Variants in DEPDC5 observed in about 807,000 individuals in gnomAD.
DEPDC5 encodes DEP domain containing 5, GATOR1 subcomplex subunit.
Under a neutral mutation model 217.3 loss-of-function variants are expected in DEPDC5, and 73 were observed. The observed-to-expected ratio is 0.34, with a 90% CI of 0.28 to 0.41. The LOEUF (loss-of-function observed/expected upper bound fraction) is 0.41. Ranked by LOEUF, DEPDC5 falls within the 10% of genes least tolerant of loss-of-function variation. DEPDC5 has a pLI of 1.00. For missense variants in DEPDC5, 1,675 were observed against 2,070.1 expected, an observed-to-expected ratio of 0.81 and a Z score of 3.70; for synonymous variants, 733 against 756.7, an observed-to-expected ratio of 0.97 and a Z score of 0.51.
chr22:31,759,832 G>A (rs1601592476), intron 3 of DEPDC5, among the ~76,000 whole-genome samples: 1 of 151,010 alleles, frequency 6.6e-6, no homozygotes, highest in Non-Finnish European at 1.5e-5. Flanking sequence ...ACAGGTGTGG[G>A]CCACCACACC....
intron 32 of DEPDC5, chr22:31,857,793 T>C: frequency 2.7e-6 from 1 of 377,164 alleles, no homozygotes; most frequent in Non-Finnish European, 4.8e-6. Flanking sequence ...GTCATGCTTG[T>C]AATCCCAGCA....
chr22:31,773,229 C>T (rs2083507191), intron 7 of DEPDC5, among the ~76,000 whole-genome samples: 2 of 152,082 alleles, frequency 1.3e-5, no homozygotes, highest in Admixed American at 6.6e-5. Flanking sequence ...CCTCTATCGC[C>T]CAGGCTGGAA....
chr22:31,842,591 A>AG (rs1345468087), intron 27 of DEPDC5, among the ~76,000 whole-genome samples: 1 of 151,920 alleles, frequency 6.6e-6, no homozygotes, highest in East Asian at 1.9e-4. Context: ...AAAAAAAAAA[A>AG]AAAGAAACAA....
intron 12 of DEPDC5, among the ~76,000 whole-genome samples, chr22:31,793,923 C>T (rs956401844): frequency 2.0e-5 from 3 of 152,054 alleles, no homozygotes; most frequent in East Asian, 3.8e-4. Flanking sequence ...ACTGTTTTTA[C>T]GGGACTTAGC....
intron 38 of DEPDC5, among the ~76,000 whole-genome samples, chr22:31,888,983 TC>T (rs1216602515): frequency 1.3e-5 from 2 of 152,174 alleles, no homozygotes; most frequent in Non-Finnish European, 2.9e-5. Context: ...AAAAACCCCC[TC>T]AACATGGCAC....
intron 29 of DEPDC5, among the ~76,000 whole-genome samples, chr22:31,844,462 A>T (rs2091595558): frequency 6.6e-6 from 1 of 152,060 alleles, no homozygotes; most frequent in South Asian, 2.1e-4. Context: ...GAAAAAACAA[A>T]CCCCATGAAG....
chr22:31,838,729 A>C lies in DEPDC5; in HGVS notation c.2399A>C (p.Glu800Ala). Residue 800 changes from glutamate to alanine, a missense_variant, in exon 27 of 43, where the codon GAA becomes GCA. By Grantham distance (107) the Glu-to-Ala change is moderately radical. Around this residue, in one of 11 missense-constraint regions of DEPDC5, gnomAD observed 293 missense variants for 386.1 expected, o/e 0.76. Transcript: ENST00000651528. ...CAGATGACAGCCCAGCAGGTATTTG[A>C]AGAGTTTATTTGCCAACGTCTCATG... is the stretch of plus-strand genomic sequence containing the variant. ...GVQMTAQQVFEEFICQRLMQG... is the reference protein window; with the variant it reads ...GVQMTAQQVFAEFICQRLMQG... 2 of 1,614,120 alleles carry C rather than the reference A, an allele frequency of 1.2e-6. No homozygotes were observed. Among genetic ancestry groups the C allele is most frequent in the Non-Finnish European group, 8.5e-7 (1 of 1,180,014 alleles).
chr22:31,897,521 T>C lies in DEPDC5; in HGVS notation c.4243T>C (p.Leu1415=), dbSNP rs1602903993. 1 of 1,614,114 alleles carries C rather than the reference T, an allele frequency of 6.2e-7. No individual in the cohort carries two copies. The highest frequency in any genetic ancestry group is 2.2e-5 in the East Asian group (1 of 44,888). The part of the protein sequence containing the change: ...WHRKATSCGF[L]LVPVLEGPFA... ...TCGGAAAGCCACCTCCTGTGGCTTC[T>C]TGTTAGTCCCAGTTTTGGAGGGGCC... Residue 1415 remains leucine (L), a synonymous_variant, in exon 40 of 43, where the codon TTG becomes CTG. Coordinates refer to ENST00000651528, the MANE Select transcript of DEPDC5 (RefSeq NM_001242896.3).
intron 33 of DEPDC5, among the ~76,000 whole-genome samples, chr22:31,868,314 GGGAT>G (rs2092743317): frequency 6.6e-6 from 1 of 152,092 alleles, no homozygotes; most frequent in Non-Finnish European, 1.5e-5. Context: ...GTAGAAGCCA[GGGAT>G]GCTTCTGAAC....
chr22:31,876,006 A>G (rs778261193), intron 36 of DEPDC5, 151 bp from the exon 37 acceptor site: 162 of 610,842 alleles, frequency 2.7e-4, no homozygotes, highest in Non-Finnish European at 3.6e-4. Context: ...TTAAAATATA[A>G]TTTATATCAA....
chr22:31,794,920 A>G (rs1300895636), intron 12 of DEPDC5, among the ~76,000 whole-genome samples: 1 of 152,114 alleles, frequency 6.6e-6, no homozygotes, highest in Non-Finnish European at 1.5e-5. Flanking sequence ...AAAGCACACC[A>G]GTATAGTTTA....
intron 12 of DEPDC5, among the ~76,000 whole-genome samples, chr22:31,797,046 C>G (rs2086322310): frequency 6.9e-6 from 1 of 144,552 alleles, no homozygotes; most frequent in Admixed American, 7.0e-5. Flanking sequence ...GGAAGAAAAA[C>G]AAGCTCACTG....
At chr22:31,868,509 C>T (rs1569154864) in intron 33 of DEPDC5, among the ~76,000 whole-genome samples, 1 of 152,184 alleles carries the variant, frequency 6.6e-6, no homozygotes, top group Admixed American at 6.5e-5. Flanking sequence ...CTCACAGCAA[C>T]CTCCGCTTCC....
chr22:31,905,896 TGTCC>T, intron 41 of DEPDC5, 84 bp from the exon 42 acceptor site: 2 of 1,159,634 alleles, frequency 1.7e-6, no homozygotes, highest in South Asian at 2.7e-5. Context: ...TGTCTCAGGC[TGTCC>T]GAGAGTCCTA....
chr22:31,790,583 G>C (rs545625253), intron 10 of DEPDC5, among the ~76,000 whole-genome samples: 1 of 151,988 alleles, frequency 6.6e-6, no homozygotes. Context: ...CACCACCATG[G>C]GTGCTGTTCT....
At chr22:31,887,410 ACT>A (rs1183754334) in intron 38 of DEPDC5, among the ~76,000 whole-genome samples, 2 of 119,242 alleles carry the variant, frequency 1.7e-5, no homozygotes, top group Admixed American at 9.5e-5. Context: ...CAAAAGCGAA[ACT>A]CTGTCTCAAA....
intron 21 of DEPDC5, chr22:31,815,556 ATT>A: frequency 1.7e-6 from 1 of 572,634 alleles, no homozygotes; most frequent in African/African-American, 2.1e-5. Context: ...TGATTATCAT[ATT>A]TTTTTTTGTA....
At chr22:31,767,948 C>T (rs898408801) in intron 6 of DEPDC5, among the ~76,000 whole-genome samples, 5 of 149,792 alleles carry the variant, frequency 3.3e-5, no homozygotes, top group Non-Finnish European at 4.4e-5. Context: ...GGTTTCACCA[C>T]GTTAGCCAGG....
intron 12 of DEPDC5, among the ~76,000 whole-genome samples, chr22:31,795,436 C>T (rs779000058): frequency 3.9e-5 from 6 of 152,028 alleles, no homozygotes; most frequent in Non-Finnish European, 5.9e-5. Flanking sequence ...CACTGTCACC[C>T]AGGCTGGAGT....
Sources: gnomAD v4.1 joint callset for allele counts (sites outside exome capture counted in the v4.1 genomes callset) on GRCh38, gnomAD v4.1.1 for gene constraint, gnomAD v4.1.1 regional missense constraint, MANE v1.5 for transcripts, NCBI Gene and HGNC (gene_info 2026-07-23, HGNC 2026-07-21) for gene names.